The following TSHZ2 variants were observed in gnomAD, a reference collection of about 807,000 sequenced individuals.
The protein encoded by TSHZ2 is teashirt homolog 2.
Under a neutral mutation model 74.4 loss-of-function variants are expected in TSHZ2, and 21 were observed. That is an observed-to-expected ratio of 0.28 (90% CI 0.20 to 0.41). The LOEUF (loss-of-function observed/expected upper bound fraction) is 0.41, where lower values mean the gene tolerates loss of function less well. Ranked by LOEUF, TSHZ2 falls within the 10% of genes least tolerant of loss-of-function variation. The probability of loss-of-function intolerance (pLI) is 1.00; values close to 1 mark genes in which losing one functional copy is unlikely to be tolerated. For synonymous variants in TSHZ2, 540 were observed against 515.3 expected, an observed-to-expected ratio of 1.05 and a Z score of -0.65; for missense variants, 1,244 against 1,293.5, an observed-to-expected ratio of 0.96 and a Z score of 0.59.
intron 1 of TSHZ2, among the ~76,000 whole-genome samples, chr20:53,119,567 A>G (rs531649359): frequency 1.3e-5 from 2 of 152,186 alleles, no homozygotes; most frequent in African/African-American, 2.4e-5. Context: ...ACTAATCCCA[A>G]TGGAGCTATG....
chr20:53,089,752 C>T (rs1985818481), intron 1 of TSHZ2, among the ~76,000 whole-genome samples: 1 of 152,192 alleles, frequency 6.6e-6, no homozygotes, highest in African/African-American at 2.4e-5. Flanking sequence ...AATAAACTGT[C>T]TACATGAAGA....
At chr20:53,007,542 A>AT (rs1982687319) in intron 1 of TSHZ2, among the ~76,000 whole-genome samples, 1 of 152,170 alleles carries the variant, frequency 6.6e-6, no homozygotes, top group South Asian at 2.1e-4. Flanking sequence ...AATAGTTACC[A>AT]TCCTAGAGAA....
intron 1 of TSHZ2, among the ~76,000 whole-genome samples, chr20:53,106,707 G>T (rs2489675): frequency 0.37 from 40,967 of 109,594 alleles, 6,848 homozygotes; most frequent in East Asian, 0.53. Flanking sequence ...ATTTTTTTTT[G>T]TTTTTTTTTT....
chr20:53,278,632 C>T (rs754325139), intron 2 of TSHZ2, among the ~76,000 whole-genome samples: 7 of 152,080 alleles, frequency 4.6e-5, no homozygotes, highest in Non-Finnish European at 1.0e-4. Flanking sequence ...GCTTATTCTG[C>T]CTCAGGTACT....
rs192193993 is a variant in TSHZ2, at chr20:53,149,943, G to A, written c.41-103556G>A. Among the ~76,000 whole-genome samples the A allele has an allele frequency of 2.4e-4, 36 of 152,316 alleles. 2 individuals carry two copies. Among genetic ancestry groups the A allele is most frequent in the Admixed American group, 2.0e-3 (31 of 15,296 alleles). ...GGATCTCCAGGGATCAGGGAATAGA[G>A]TCTGCTTATCATTTCATTGCAAAGG... On this transcript the variant is annotated intron_variant, in intron 1 of 2. Transcript: ENST00000371497.
chr20:53,289,076 C>G (rs1991230081), intron 2 of TSHZ2, among the ~76,000 whole-genome samples: 1 of 152,146 alleles, frequency 6.6e-6, no homozygotes, highest in Admixed American at 6.5e-5. Flanking sequence ...ATTTGGTTTT[C>G]CATTCCTGAG....
chr20:53,290,681 C>T (rs562351468), intron 2 of TSHZ2, among the ~76,000 whole-genome samples: 10 of 152,280 alleles, frequency 6.6e-5, no homozygotes, highest in East Asian at 3.9e-4. Context: ...ATGGGTATTA[C>T]GTGCAAAGAC....
intron 2 of TSHZ2, among the ~76,000 whole-genome samples, chr20:53,370,946 C>A (rs1021572614): frequency 1.3e-5 from 2 of 152,174 alleles, no homozygotes; most frequent in Non-Finnish European, 2.9e-5. Context: ...AAGGTGAAGG[C>A]AAGGCCACAC....
Position 53,493,873 on chromosome 20 carries a change from C to T in TSHZ2, c.*6738C>T, listed in dbSNP as rs1986509811. On this transcript the variant is annotated 3_prime_UTR_variant, in exon 3 of 3. Coordinates refer to ENST00000371497, the MANE Select transcript of TSHZ2 (RefSeq NM_173485.6). ...CCTTGGCTGACCCCAATTTCTTTTA[C>T]TCCCCATTATCCTGAATATTAGCTT... is the stretch of plus-strand genomic sequence containing the variant. The T allele has an allele frequency of 6.6e-6, 1 of 152,202 alleles. No homozygotes were observed. The allele number at this position is 152,202 out of a possible 1,614,324, so 9.4% of individuals were successfully genotyped here. A position where few individuals can be genotyped will look rare whatever the true frequency, so the allele number is the denominator to read the frequency against.
At chr20:53,246,036 C>CTTT (rs201257665) in intron 1 of TSHZ2, among the ~76,000 whole-genome samples, 5 of 126,736 alleles carry the variant, frequency 3.9e-5, no homozygotes, top group African/African-American at 1.3e-4. Flanking sequence ...TTCTTTCTTT[C>CTTT]TTTCTTTTTT....
intron 1 of TSHZ2, among the ~76,000 whole-genome samples, chr20:53,007,554 G>A (rs1364217068): frequency 1.3e-5 from 2 of 152,050 alleles, no homozygotes; most frequent in Admixed American, 1.3e-4. Context: ...CCTAGAGAAG[G>A]TGCTAGAAGA....
chr20:53,258,541 G>A (rs1159988879), intron 2 of TSHZ2, among the ~76,000 whole-genome samples: 1 of 152,068 alleles, frequency 6.6e-6, no homozygotes, highest in African/African-American at 2.4e-5. Context: ...TAATATAATT[G>A]CCAAAACACT....
At chr20:53,064,603 C>A (rs937061393) in intron 1 of TSHZ2, among the ~76,000 whole-genome samples, 1 of 151,950 alleles carries the variant, frequency 6.6e-6, no homozygotes, top group African/African-American at 2.4e-5. Context: ...GTGCACCATG[C>A]ACTCCAGCCT....
intron 2 of TSHZ2, among the ~76,000 whole-genome samples, chr20:53,293,172 T>C (rs1991312341): frequency 6.6e-6 from 1 of 152,180 alleles, no homozygotes; most frequent in African/African-American, 2.4e-5. Flanking sequence ...TAGTATAAAT[T>C]AATACATGAG....
Position 53,212,045 on chromosome 20 carries a change from G to A in TSHZ2, c.41-41454G>A, listed in dbSNP as rs539883264. 2.6e-5 allele frequency among the ~76,000 whole-genome samples: 4 copies of A among 152,248 alleles called. No homozygotes were observed. In the South Asian group the frequency reaches 8.3e-4, roughly 32 times the overall value. On this transcript the variant is annotated intron_variant, in intron 1 of 2. Coordinates refer to ENST00000371497, the MANE Select transcript of TSHZ2 (RefSeq NM_173485.6). ...CTTAAGTTTCAATCATATCGAAGTG[G>A]CATAAATGAGCTCAAAATTGTTCCT... is the stretch of plus-strand genomic sequence containing the variant.
At chr20:52,989,923 AAG>A (rs1981916812) in intron 1 of TSHZ2, among the ~76,000 whole-genome samples, 2 of 151,660 alleles carry the variant, frequency 1.3e-5, no homozygotes, top group Non-Finnish European at 1.5e-5. Flanking sequence ...AAAAAAGAAA[AAG>A]AGAGATGATA....
chr20:53,370,967 G>A (rs774166586), intron 2 of TSHZ2, among the ~76,000 whole-genome samples: 8 of 152,212 alleles, frequency 5.3e-5, no homozygotes, highest in Admixed American at 6.5e-5. Context: ...TCCCTCTGAA[G>A]ATGCTAGGGA....
At chr20:53,271,387 CCTGCCT>C (rs1165584473) in intron 2 of TSHZ2, among the ~76,000 whole-genome samples, 2 of 152,228 alleles carry the variant, frequency 1.3e-5, no homozygotes, top group African/African-American at 4.8e-5. Flanking sequence ...CCACTAAGCA[CCTGCCT>C]AGCCCTGTAT....
intron 1 of TSHZ2, among the ~76,000 whole-genome samples, chr20:53,155,424 T>G (rs751195111): frequency 8.6e-5 from 13 of 151,800 alleles, no homozygotes; most frequent in Non-Finnish European, 1.8e-4. Context: ...GGATATATAT[T>G]CCCGCCTTTC....
Sources: allele counts gnomAD v4.1 joint callset (sites outside exome capture counted in the v4.1 genomes callset), GRCh38; gene constraint gnomAD v4.1.1; transcripts MANE v1.5; gene names NCBI Gene and HGNC (gene_info 2026-07-23, HGNC 2026-07-21).